Variants in DPYD observed in about 807,000 individuals in gnomAD.
DPYD encodes dihydropyrimidine dehydrogenase, also known as dihydropyrimidine dehydrogenase [NADP(+)].
DPYD carries 109 observed loss-of-function variants against 116.2 expected under a neutral mutation model. The observed-to-expected ratio is 0.94, with a 90% CI of 0.80 to 1.10. The LOEUF (loss-of-function observed/expected upper bound fraction) is 1.10. Among genes scored for constraint, DPYD ranks in the 50% least tolerant of loss-of-function variants. DPYD has a pLI of 0.00. For missense variants in DPYD, 1,302 were observed against 1,254.5 expected, an observed-to-expected ratio of 1.04 and a Z score of -0.57; for synonymous variants, 440 against 432.0, an observed-to-expected ratio of 1.02 and a Z score of -0.23.
At chr1:97,316,307 T>C (rs956408269) in intron 16 of DPYD, among the ~76,000 whole-genome samples, 6 of 148,828 alleles carry the variant, frequency 4.0e-5, no homozygotes, top group African/African-American at 1.5e-4. Flanking sequence ...CTGGCCCACA[T>C]GGCAAATCCT....
At chr1:97,586,448 G>A (rs1332700806) in intron 10 of DPYD, among the ~76,000 whole-genome samples, 1 of 116,876 alleles carries the variant, frequency 8.6e-6, no homozygotes, top group Non-Finnish European at 1.7e-5. Flanking sequence ...GGGCTTATCT[G>A]TGAAAATACA....
chr1:97,102,766 T>C (rs1169590453), intron 20 of DPYD, among the ~76,000 whole-genome samples: 1 of 151,984 alleles, frequency 6.6e-6, no homozygotes, highest in African/African-American at 2.4e-5. Context: ...TTGTTATTAA[T>C]TTTGTAAGTA....
chr1:97,659,688 A>G (rs1165250310), intron 8 of DPYD, among the ~76,000 whole-genome samples: 1 of 152,174 alleles, frequency 6.6e-6, no homozygotes, highest in Non-Finnish European at 1.5e-5. Context: ...TATTTTATTC[A>G]TGTAATGCTG....
chr1:97,455,419 T>TATAA (rs1676627357), intron 13 of DPYD, among the ~76,000 whole-genome samples: 1 of 151,956 alleles, frequency 6.6e-6, no homozygotes, highest in South Asian at 2.1e-4. Flanking sequence ...TATTTGGTTT[T>TATAA]ACAAACTAGG....
At chr1:97,671,417 T>C (rs1158611998) in intron 8 of DPYD, among the ~76,000 whole-genome samples, 1 of 152,144 alleles carries the variant, frequency 6.6e-6, no homozygotes, top group African/African-American at 2.4e-5. Context: ...ATACTTGACA[T>C]AATTATAAGG....
chr1:97,248,267 G>A (rs1342882165), intron 18 of DPYD, among the ~76,000 whole-genome samples: 1 of 152,184 alleles, frequency 6.6e-6, no homozygotes, highest in African/African-American at 2.4e-5. Context: ...GGAACCCAGT[G>A]GGAGGTGATT....
intron 9 of DPYD, among the ~76,000 whole-genome samples, chr1:97,594,412 T>C (rs1341980325): frequency 6.6e-6 from 1 of 152,188 alleles, no homozygotes; most frequent in East Asian, 1.9e-4. Flanking sequence ...CTTACTGTTT[T>C]AAGTCCTGGG....
intron 2 of DPYD, among the ~76,000 whole-genome samples, chr1:97,863,021 G>A (rs1671199261): frequency 6.6e-6 from 1 of 151,806 alleles, no homozygotes; most frequent in Admixed American, 6.6e-5. Context: ...TATCCAAGCT[G>A]TAATCATTAT....
chr1:97,918,848 T>A (rs1461240041), intron 1 of DPYD, among the ~76,000 whole-genome samples: 1 of 152,186 alleles, frequency 6.6e-6, no homozygotes, highest in Admixed American at 6.5e-5. Flanking sequence ...CCAATATTTT[T>A]AAAATATTAC....
chr1:97,521,860 C>A (rs7529624), intron 12 of DPYD, among the ~76,000 whole-genome samples: 91,199 of 151,986 alleles, frequency 0.6, 27,511 homozygotes, highest in East Asian at 0.75. Context: ...AGCCATATGC[C>A]GAAAACTGAA....
chr1:97,698,876 C>T (rs1198021310), intron 6 of DPYD, among the ~76,000 whole-genome samples: 3 of 151,802 alleles, frequency 2.0e-5, no homozygotes, highest in African/African-American at 7.2e-5. Flanking sequence ...AAATACATTT[C>T]TAGTACATGC....
intron 11 of DPYD, among the ~76,000 whole-genome samples, chr1:97,569,124 C>A (rs964056528): frequency 1.3e-5 from 2 of 151,928 alleles, no homozygotes; most frequent in Non-Finnish European, 1.5e-5. Flanking sequence ...ACACAGGCAA[C>A]CTTATTGCCT....
chr1:97,720,816 G>A, intron 5 of DPYD: 1 of 1,578,424 alleles, frequency 6.3e-7, no homozygotes, highest in Non-Finnish European at 8.6e-7. Context: ...ATGATACATG[G>A]GAATTAACCT....
intron 18 of DPYD, among the ~76,000 whole-genome samples, chr1:97,292,940 G>C (rs1394254833): frequency 1.3e-5 from 2 of 151,806 alleles, no homozygotes; most frequent in Non-Finnish European, 2.9e-5. Context: ...TTTAGTATTG[G>C]AGTAAACTAA....
intron 20 of DPYD, among the ~76,000 whole-genome samples, chr1:97,187,845 T>C (rs1045367696): frequency 6.6e-6 from 1 of 152,194 alleles, no homozygotes; most frequent in Non-Finnish European, 1.5e-5. Flanking sequence ...TCCTAGTGTA[T>C]ACTTTTTGTC....
At chr1:97,458,256 T>G (rs1450121074) in intron 13 of DPYD, among the ~76,000 whole-genome samples, 1 of 152,132 alleles carries the variant, frequency 6.6e-6, no homozygotes, top group African/African-American at 2.4e-5. Context: ...CTGGCTCTAC[T>G]CTACAGTCGA....
chr1:97,459,906 T>A (rs1676922917), intron 13 of DPYD, among the ~76,000 whole-genome samples: 1 of 152,120 alleles, frequency 6.6e-6, no homozygotes, highest in Non-Finnish European at 1.5e-5. Context: ...AGAAATACAT[T>A]ATGTGAAAAA....
intron 18 of DPYD, among the ~76,000 whole-genome samples, chr1:97,260,819 A>G (rs1475976992): frequency 6.6e-6 from 1 of 152,124 alleles, no homozygotes; most frequent in Non-Finnish European, 1.5e-5. Context: ...ACATAACTAT[A>G]TAATGTACGA....
At chr1:97,165,148 T>A (rs930698492) in intron 20 of DPYD, among the ~76,000 whole-genome samples, 1 of 152,042 alleles carries the variant, frequency 6.6e-6, no homozygotes. Flanking sequence ...AGAACAAAGC[T>A]GGAAGCATCA....
Sources: allele counts gnomAD v4.1 joint callset (sites outside exome capture counted in the v4.1 genomes callset), GRCh38; gene constraint gnomAD v4.1.1; transcripts MANE v1.5; gene names NCBI Gene and HGNC (gene_info 2026-07-23, HGNC 2026-07-21).